CDK15: variants seen among roughly 807,000 people sequenced by gnomAD.
The protein encoded by CDK15 is cyclin-dependent kinase 15.
CDK15 carries 62 observed loss-of-function variants against 60.3 expected under a neutral mutation model. The observed-to-expected ratio is 1.03, with a 90% confidence interval of 0.84 to 1.27. The LOEUF is 1.27. Ranked by LOEUF, CDK15 falls within the 50% of genes most tolerant of loss-of-function variation. The pLI is 0.00. For missense variants in CDK15, 541 were observed against 527.8 expected (o/e 1.03, Z -0.25); for synonymous variants, 194 against 195.7 (o/e 0.99, Z 0.07).
intron 4 of CDK15, among the ~76,000 whole-genome samples, chr2:201,819,123 G>A (rs2106164156): frequency 6.6e-6 from 1 of 152,232 alleles, no homozygotes; most frequent in South Asian, 2.1e-4. Context: ...GAGAGGGTAG[G>A]ATGGGGTAGA....
At chr2:201,863,444 G>A (rs1276701148) in intron 10 of CDK15, among the ~76,000 whole-genome samples, 2 of 152,092 alleles carry the variant, frequency 1.3e-5, no homozygotes, top group African/African-American at 4.8e-5. Context: ...TTCCTTCCAA[G>A]TTGAAGAATA....
At chr2:201,851,857 C>T (rs2105782909) in intron 9 of CDK15, among the ~76,000 whole-genome samples, 1 of 152,214 alleles carries the variant, frequency 6.6e-6, no homozygotes, top group South Asian at 2.1e-4. Flanking sequence ...CAGGGTTTTA[C>T]CATGTTAGCC....
rs146218767 is a variant in CDK15 at position 201,854,530 on chromosome 2, C to T, written c.946-344C>T. 7.0e-3 allele frequency among the ~76,000 whole-genome samples: 1,073 copies of T among 152,274 alleles called. 8 individuals are homozygous for T. Among genetic ancestry groups the T allele is most frequent in the Middle Eastern group, 0.017 (5 of 294 alleles). On this transcript the variant is annotated intron_variant, in intron 9 of 13. Transcript: ENST00000652192. Reference sequence around the variant, plus strand: ...GACAGTCACTCCTGCTTCTTTATATCCCTAGCTCCCAACATGGTGTCCTAA... The same window carrying T: ...GACAGTCACTCCTGCTTCTTTATATTCCTAGCTCCCAACATGGTGTCCTAA...
chr2:201,807,115 G>C (rs891695890), intron 1 of CDK15, among the ~76,000 whole-genome samples: 1 of 152,056 alleles, frequency 6.6e-6, no homozygotes, highest in African/African-American at 2.4e-5. Flanking sequence ...GGTATGCTAT[G>C]GATTTGAAAC....
At chr2:201,864,293 T>TTAA (rs1273166801) in intron 10 of CDK15, among the ~76,000 whole-genome samples, 1 of 152,148 alleles carries the variant, frequency 6.6e-6, no homozygotes, top group African/African-American at 2.4e-5. Flanking sequence ...AATGGCCCTC[T>TTAA]TAATTTGGGG....
intron 12 of CDK15, among the ~76,000 whole-genome samples, chr2:201,883,298 G>A (rs1262512495): frequency 6.6e-6 from 1 of 152,156 alleles, no homozygotes; most frequent in African/African-American, 2.4e-5. Context: ...GACAATTAAA[G>A]CATAAAGCCT....
At chr2:201,826,983 C>A (rs1696537028) in intron 6 of CDK15, among the ~76,000 whole-genome samples, 1 of 152,190 alleles carries the variant, frequency 6.6e-6, no homozygotes, top group African/African-American at 2.4e-5. Flanking sequence ...GTTATAGAAC[C>A]AGCTTATGCC....
chr2:201,826,106 A>T (rs1278362119), intron 6 of CDK15, among the ~76,000 whole-genome samples: 1 of 152,216 alleles, frequency 6.6e-6, no homozygotes, highest in African/African-American at 2.4e-5. Flanking sequence ...AATATCAAGA[A>T]AGAAATACGA....
Position 201,854,882 on chromosome 2 carries a change from A to T in CDK15, c.954A>T (p.Gly318=), listed in dbSNP as rs1016105643. 1.2e-6 allele frequency: 2 copies of T among 1,613,990 alleles called. No individual in the cohort carries two copies. Among genetic ancestry groups the T allele is most frequent in the Admixed American group, 1.7e-5 (1 of 60,020 alleles). The change falls in exon 10 of 14, where the codon GGA becomes GGT. Residue 318 remains glycine, a synonymous_variant. Coordinates refer to ENST00000652192, the MANE Select transcript of CDK15 (RefSeq NM_001366386.2). ...TGTTTGGCTTTATATAGGTGCTGGG[A>T]GTCCCTACAGAGGATACTTGGCCGG... ...EQLEKIWEVL[G]VPTEDTWPGV...
At position 201,880,093 on chromosome 2, in the gene CDK15, G is replaced by T. The variant is rs189350681; in HGVS notation, c.1124G>T (p.Arg375Leu). The T allele has an allele frequency of 1.9e-6, 3 of 1,613,970 alleles. No individual in the cohort carries two copies. Among genetic ancestry groups the T allele is most frequent in the Non-Finnish European group, 2.5e-6 (3 of 1,180,030 alleles). Residue 375 changes from arginine to leucine, a missense_variant, in exon 12 of 14, where the codon CGC becomes CTC. Arg to Leu is a moderately radical substitution (Grantham distance 102). Transcript: ENST00000652192. Reference sequence around the variant, plus strand: ...ATGCTAAAAGGCTTTCCCAGAGACCGCGTCTCCGCCCAGGAAGCACTTGTT... The same window carrying T: ...ATGCTAAAAGGCTTTCCCAGAGACCTCGTCTCCGCCCAGGAAGCACTTGTT... ...SQMLKGFPRD[R>L]VSAQEALVHD...
At chr2:201,812,679 C>T in intron 4 of CDK15, 117 bp downstream of exon 4, 1 of 495,992 alleles carries the variant, frequency 2.0e-6, no homozygotes, top group Non-Finnish European at 3.5e-6. Flanking sequence ...ACTATAATTA[C>T]ATTTTTATTT....
chr2:201,877,190 C>T (rs750604196), intron 11 of CDK15, among the ~76,000 whole-genome samples: 7 of 152,182 alleles, frequency 4.6e-5, no homozygotes, highest in Non-Finnish European at 8.8e-5. Context: ...TACACAAACA[C>T]AGTCTAAATA....
At chr2:201,809,365 C>T (rs1334977262) in intron 3 of CDK15, among the ~76,000 whole-genome samples, 1 of 152,122 alleles carries the variant, frequency 6.6e-6, no homozygotes, top group Non-Finnish European at 1.5e-5. Context: ...TCATTTAACT[C>T]TTTCATCTAC....
In CDK15 at chr2:201,880,203, T is replaced by C. The variant is rs142102575; in HGVS notation, c.1198+36T>C. On this transcript the variant is annotated intron_variant, in intron 12 of 13. Transcript: ENST00000652192. ...GAGTGTGTGCGTGTGCGTGAGTGCA[T>C]GTGCGTGAGTGCGTGTGTGTGTAAG... 7.7e-5 allele frequency: 124 copies of C among 1,609,530 alleles called. No individual in the cohort carries two copies. The African/African-American group carries it at 1.5e-3, about 20-fold the overall frequency.
At chr2:201,891,288 A>G (rs1429353928) in intron 13 of CDK15, among the ~76,000 whole-genome samples, 3 of 152,216 alleles carry the variant, frequency 2.0e-5, no homozygotes, top group African/African-American at 7.2e-5. Context: ...CAGCCTCCCA[A>G]GTGCTGGGAT....
At chr2:201,820,250 T>C (rs886799159) in intron 4 of CDK15, among the ~76,000 whole-genome samples, 4 of 152,102 alleles carry the variant, frequency 2.6e-5, no homozygotes, top group Non-Finnish European at 5.9e-5. Flanking sequence ...ACACCTAAAG[T>C]ATAAGCATTC....
At chr2:201,815,961 T>C (rs1437918716) in intron 4 of CDK15, among the ~76,000 whole-genome samples, 1 of 152,216 alleles carries the variant, frequency 6.6e-6, no homozygotes, top group African/African-American at 2.4e-5. Flanking sequence ...TCAGAGTTGT[T>C]AGAATCCATT....
At chr2:201,848,396 A>G (rs1231108635) in intron 9 of CDK15, among the ~76,000 whole-genome samples, 4 of 152,136 alleles carry the variant, frequency 2.6e-5, no homozygotes, top group Non-Finnish European at 2.9e-5. Context: ...AATATACAAA[A>G]CAAAATTTAC....
intron 8 of CDK15, among the ~76,000 whole-genome samples, chr2:201,841,917 C>T (rs189761616): frequency 6.6e-6 from 1 of 152,252 alleles, no homozygotes; most frequent in African/African-American, 2.4e-5. Context: ...CCATTAGTGA[C>T]TTTAGTGAGA....
Sources: gnomAD v4.1 joint callset for allele counts (sites outside exome capture counted in the v4.1 genomes callset) on GRCh38, gnomAD v4.1.1 for gene constraint, MANE v1.5 for transcripts, NCBI Gene and HGNC (gene_info 2026-07-23, HGNC 2026-07-21) for gene names.